The following CDC27 variants were observed in gnomAD, a reference collection of about 807,000 sequenced individuals.
The protein encoded by CDC27 is cell division cycle 27.
A neutral mutation model predicts 109.7 loss-of-function variants in CDC27; 27 were observed. The ratio of observed to expected loss-of-function variants is 0.25; its 90% CI spans 0.18 to 0.34. CDC27 has a LOEUF of 0.34. Among genes scored for constraint, CDC27 ranks in the 10% least tolerant of loss-of-function variants. The pLI is 1.00. For synonymous variants in CDC27, 266 were observed against 333.9 expected (o/e 0.80, Z 2.22); for missense variants, 579 against 960.2 (o/e 0.60, Z 5.25).
At chr17:47,155,064 A>G (rs2063261664) in intron 7 of CDC27, among the ~76,000 whole-genome samples, 1 of 152,226 alleles carries the variant, frequency 6.6e-6, no homozygotes, top group South Asian at 2.1e-4. Flanking sequence ...TTATAAATCT[A>G]AGATCCAAAT....
intron 2 of CDC27, among the ~76,000 whole-genome samples, chr17:47,177,941 C>T (rs1275728005): frequency 6.6e-6 from 1 of 152,058 alleles, no homozygotes; most frequent in Non-Finnish European, 1.5e-5. Flanking sequence ...TAGTCTAACA[C>T]TATTTCTATT....
chr17:47,162,229 T>C (rs927810642), intron 4 of CDC27, among the ~76,000 whole-genome samples: 3 of 151,582 alleles, frequency 2.0e-5, no homozygotes, highest in African/African-American at 7.3e-5. Context: ...TGTACTTTCA[T>C]TTTATTTCTG....
intron 10 of CDC27, among the ~76,000 whole-genome samples, chr17:47,142,863 AC>A (rs2062839160): frequency 6.6e-6 from 1 of 152,142 alleles, no homozygotes; most frequent in African/African-American, 2.4e-5. Flanking sequence ...TTTGGAAGAG[AC>A]TGGATTTCTC....
intron 2 of CDC27, chr17:47,181,234 G>A (rs1163951449): frequency 2.6e-5 from 3 of 113,448 alleles, no homozygotes; most frequent in African/African-American, 1.1e-4. Flanking sequence ...CAACATGGGT[G>A]ACAGAGTGAG....
At chr17:47,129,761 T>C (rs2062261892) in intron 15 of CDC27, among the ~76,000 whole-genome samples, 1 of 152,196 alleles carries the variant, frequency 6.6e-6, no homozygotes, top group Non-Finnish European at 1.5e-5. Flanking sequence ...TACTGAAGTC[T>C]AGAGATCTTA....
intron 1 of CDC27, among the ~76,000 whole-genome samples, chr17:47,183,693 G>A (rs978680386): frequency 2.0e-5 from 3 of 152,138 alleles, no homozygotes; most frequent in African/African-American, 4.8e-5. Context: ...GTATTTGAGT[G>A]ATGTTTTCCT....
chr17:47,164,965 T>C lies in CDC27; in HGVS notation c.377+4952A>G, dbSNP rs578243462. Among the ~76,000 whole-genome samples, 41 of 152,282 alleles carry C rather than the reference T, an allele frequency of 2.7e-4. 1 individual carries two copies. The South Asian group carries it at 7.7e-3, about 28-fold the overall frequency. On this transcript the variant is annotated intron_variant, in intron 4 of 18. Coordinates refer to ENST00000066544, the MANE Select transcript of CDC27 (RefSeq NM_001256.6). ...ATCAGGATATAAAACTGTTTTAATA[T>C]CCCAAAGAAACCCCTAAATAGTTAC...
chr17:47,122,220 C>T (rs1477022388), intron 18 of CDC27, among the ~76,000 whole-genome samples: 1 of 151,480 alleles, frequency 6.6e-6, no homozygotes, highest in Non-Finnish European at 1.5e-5. Flanking sequence ...TAAAACTTAG[C>T]AATGAATTTG....
At chr17:47,147,783 C>T (rs1598469438) in intron 9 of CDC27, among the ~76,000 whole-genome samples, 1 of 151,948 alleles carries the variant, frequency 6.6e-6, no homozygotes, top group African/African-American at 2.4e-5. Flanking sequence ...TGCCTGTAGT[C>T]CCAGCTACTC....
intron 12 of CDC27, 89 bp from the exon 13 acceptor site, chr17:47,138,980 T>C: frequency 1.2e-6 from 1 of 827,012 alleles, no homozygotes; most frequent in Non-Finnish European, 1.9e-6. Context: ...CTTCACAGGA[T>C]CTAAATGCTG....
At chr17:47,137,532 T>C (rs1446077372) in intron 13 of CDC27, among the ~76,000 whole-genome samples, 172 bp from the exon 14 acceptor site, 1 of 152,246 alleles carries the variant, frequency 6.6e-6, no homozygotes, top group East Asian at 1.9e-4. Flanking sequence ...ATTTGTCTGA[T>C]TGCTAAAATT....
At chr17:47,163,047 C>A (rs1219455423) in intron 4 of CDC27, among the ~76,000 whole-genome samples, 1 of 151,964 alleles carries the variant, frequency 6.6e-6, no homozygotes, top group African/African-American at 2.4e-5. Context: ...AAATTTAGAT[C>A]GAAGTTTTTA....
At chr17:47,171,765 T>C in intron 3 of CDC27, 152 bp downstream of exon 3, 1 of 561,920 alleles carries the variant, frequency 1.8e-6, no homozygotes, top group South Asian at 2.5e-5. Context: ...ATATAAATAA[T>C]GCCATAGGCA....
chr17:47,148,022 A>T (rs1234136067), intron 9 of CDC27, among the ~76,000 whole-genome samples: 2 of 151,348 alleles, frequency 1.3e-5, no homozygotes, highest in African/African-American at 2.4e-5. Context: ...ACATGGTGAA[A>T]CCCCATCTCT....
At chr17:47,130,707 C>T (rs1405031563) in intron 15 of CDC27, among the ~76,000 whole-genome samples, 1 of 151,886 alleles carries the variant, frequency 6.6e-6, no homozygotes, top group Non-Finnish European at 1.5e-5. Context: ...AAACCCCCGT[C>T]TCTACTAAAA....
chr17:47,122,349 A>G, intron 18 of CDC27, 95 bp downstream of exon 18: 1 of 870,120 alleles, frequency 1.1e-6, no homozygotes, highest in South Asian at 2.6e-5. Context: ...TAATGAAAAC[A>G]CCATGGTTAG....
intron 1 of CDC27, 21 bp from the exon 2 acceptor site, chr17:47,181,658 A>C (rs2064244609): frequency 7.4e-7 from 1 of 1,350,536 alleles, no homozygotes; most frequent in East Asian, 2.3e-5. Flanking sequence ...AGGAAAAAGA[A>C]CATAAATATA....
intron 13 of CDC27, among the ~76,000 whole-genome samples, chr17:47,137,954 C>T (rs1364555440): frequency 6.6e-6 from 1 of 152,064 alleles, no homozygotes. Context: ...ATGCCAGCCA[C>T]CATACCTGGC....
chr17:47,131,635 A>T (rs537091246), intron 15 of CDC27, among the ~76,000 whole-genome samples: 1 of 151,606 alleles, frequency 6.6e-6, no homozygotes, highest in African/African-American at 2.4e-5. Context: ...AAACAAACAT[A>T]ATGTACATAT....
Sources: allele counts gnomAD v4.1 joint callset (sites outside exome capture counted in the v4.1 genomes callset), GRCh38; gene constraint gnomAD v4.1.1; transcripts MANE v1.5; gene names NCBI Gene and HGNC (gene_info 2026-07-23, HGNC 2026-07-21).